The following HIVEP3 variants were observed in gnomAD, a reference collection of about 807,000 sequenced individuals.
HIVEP3 encodes the protein transcription factor HIVEP3.
In HIVEP3, 49 loss-of-function variants were observed where a neutral mutation model predicts 152.8. That is an observed-to-expected ratio of 0.32 (90% CI 0.26 to 0.41). The LOEUF is 0.41. HIVEP3 is among the 10% of genes least tolerant of loss of function. The pLI is 1.00. For synonymous variants in HIVEP3, 1,269 were observed against 1,289.0 expected, an observed-to-expected ratio of 0.98 and a Z score of 0.33; for missense variants, 2,790 against 3,103.3, an observed-to-expected ratio of 0.90 and a Z score of 2.40.
intron 1 of HIVEP3, among the ~76,000 whole-genome samples, chr1:41,893,669 T>C (rs1644482510): frequency 6.6e-6 from 1 of 151,718 alleles, no homozygotes; most frequent in Admixed American, 6.6e-5. Context: ...ATAACTTACT[T>C]CACCTGTCAG....
chr1:41,555,062 T>TG (rs1433780359), intron 5 of HIVEP3, among the ~76,000 whole-genome samples: 2 of 152,208 alleles, frequency 1.3e-5, no homozygotes, highest in African/African-American at 4.8e-5. Flanking sequence ...CTGCAGAAGT[T>TG]TCTGCTGCCT....
intron 1 of HIVEP3, among the ~76,000 whole-genome samples, chr1:41,795,342 G>A (rs1468260848): frequency 6.6e-5 from 10 of 152,278 alleles, no homozygotes; most frequent in South Asian, 2.1e-4. Context: ...CAGGGGCTGT[G>A]GGTTTTTGGA....
At chr1:41,983,855 G>A (rs1645307695) in intron 1 of HIVEP3, among the ~76,000 whole-genome samples, 2 of 152,170 alleles carry the variant, frequency 1.3e-5, no homozygotes, top group Admixed American at 6.5e-5. Flanking sequence ...GCTACCCACC[G>A]TCCATAGGCA....
chr1:42,015,347 G>T (rs1645515893), intron 1 of HIVEP3, among the ~76,000 whole-genome samples: 1 of 152,126 alleles, frequency 6.6e-6, no homozygotes, highest in Non-Finnish European at 1.5e-5. Flanking sequence ...CTACATTCCA[G>T]GGCCTTACTC....
Position 41,513,666 on chromosome 1 carries a change from T to C in HIVEP3, c.5555A>G (p.Asp1852Gly), listed in dbSNP as rs142044708. Residue 1852 changes from aspartate (D) to glycine (G), a missense_variant, in exon 8 of 9, where the codon GAC (aspartate) becomes GGC (glycine). Around this residue, in one of 9 missense-constraint regions of HIVEP3, gnomAD observed 816 missense variants for 806.5 expected, o/e 1.01. Coordinates refer to ENST00000372583, the MANE Select transcript of HIVEP3 (RefSeq NM_024503.5). Reference protein sequence around the residue: ...VEEHQFSDLEDSDSDSDLDED... With the variant: ...VEEHQFSDLEGSDSDSDLDED... ...GTCCAGGTCTGAGTCTGAGTCCGAG[T>C]CCTCCAGGTCCGAAAACTGGTGCTC... 276 of 1,613,040 alleles carry C rather than the reference T, an allele frequency of 1.7e-4. 1 individual carries two copies. In the African/African-American group the frequency reaches 3.4e-3, roughly 20 times the overall value.
chr1:41,636,193 C>T (rs1645270772), intron 2 of HIVEP3, among the ~76,000 whole-genome samples: 1 of 152,078 alleles, frequency 6.6e-6, no homozygotes, highest in Non-Finnish European at 1.5e-5. Flanking sequence ...GTAAAACAAA[C>T]CACATGGCAA....
At chr1:41,562,597 T>TCCTC (rs763245562) in intron 5 of HIVEP3, among the ~76,000 whole-genome samples, 1 of 34,262 alleles carries the variant, frequency 2.9e-5, no homozygotes, top group East Asian at 3.4e-4. Context: ...CTTCCTTCCT[T>TCCTC]TCTTTCTCTC....
In HIVEP3 at chr1:41,727,119, G is replaced by A. The variant is rs529185141; in HGVS notation, c.-800-26124C>T. On this transcript the variant is annotated intron_variant, in intron 1 of 8. Transcript: ENST00000372583. ...GAAGACTGAACTCACAGGCAGGTCC[G>A]GAGATGCAGAGCTGGTGTTCACTGG... is the stretch of plus-strand genomic sequence containing the variant. 8.8e-4 allele frequency among the ~76,000 whole-genome samples: 134 copies of A among 152,338 alleles called. 1 individual carries two copies. The highest frequency in any genetic ancestry group is 3.2e-3 in the African/African-American group (131 of 41,576).
chr1:41,649,394 C>A (rs952596480), intron 2 of HIVEP3, among the ~76,000 whole-genome samples: 1 of 152,222 alleles, frequency 6.6e-6, no homozygotes, highest in African/African-American at 2.4e-5. Context: ...CCCCTCATTC[C>A]CCACCATGAT....
intron 1 of HIVEP3, among the ~76,000 whole-genome samples, chr1:41,820,759 A>C (rs1414260292): frequency 1.3e-5 from 2 of 152,224 alleles, no homozygotes; most frequent in Admixed American, 6.5e-5. Context: ...TAATCCATTA[A>C]AATGTTAGCT....
intron 1 of HIVEP3, among the ~76,000 whole-genome samples, chr1:41,819,017 T>C (rs910081777): frequency 5.3e-5 from 8 of 152,218 alleles, no homozygotes; most frequent in Admixed American, 3.3e-4. Flanking sequence ...CGGAAGCTAT[T>C]ATCACCTCCA....
intron 1 of HIVEP3, among the ~76,000 whole-genome samples, chr1:42,034,609 T>C (rs1290194621): frequency 6.6e-6 from 1 of 151,976 alleles, no homozygotes; most frequent in Non-Finnish European, 1.5e-5. Context: ...TAGCAAGAGG[T>C]CTTCAGACTA....
At chr1:41,636,510 A>C (rs947005645) in intron 2 of HIVEP3, among the ~76,000 whole-genome samples, 2 of 152,230 alleles carry the variant, frequency 1.3e-5, no homozygotes, top group Admixed American at 1.3e-4. Flanking sequence ...AACCCCAGTT[A>C]ATCAACAGTT....
chr1:41,601,214 G>A (rs1266486894), intron 3 of HIVEP3, among the ~76,000 whole-genome samples: 1 of 152,114 alleles, frequency 6.6e-6, no homozygotes, highest in Non-Finnish European at 1.5e-5. Context: ...TTGTGTCAGA[G>A]GATTGATTTG....
At chr1:41,745,358 C>A (rs1347094986) in intron 1 of HIVEP3, among the ~76,000 whole-genome samples, 1 of 152,188 alleles carries the variant, frequency 6.6e-6, no homozygotes, top group Non-Finnish European at 1.5e-5. Flanking sequence ...TCCCCATAAG[C>A]CAAAAGGGCT....
In HIVEP3 at chr1:41,983,343, T is replaced by C. The variant is rs1054444704; in HGVS notation, n.119+52464A>G. On this transcript the variant is annotated intron_variant and non_coding_transcript_variant, in intron 1 of 3. Transcript: ENST00000489103. ...ATCAAGAAGATCTAGACATCAGTAA[T>C]GCACAAAAATCAAATTTAACAAGCG... is the stretch of plus-strand genomic sequence containing the variant. Among the ~76,000 whole-genome samples, 3 of 152,208 alleles carry C rather than the reference T, an allele frequency of 2.0e-5. No individual in the cohort carries two copies. In the South Asian group the frequency reaches 6.2e-4, roughly 32 times the overall value.
At chr1:41,980,435 T>G (rs1038069790) in intron 1 of HIVEP3, among the ~76,000 whole-genome samples, 1 of 152,012 alleles carries the variant, frequency 6.6e-6, no homozygotes, top group Non-Finnish European at 1.5e-5. Context: ...TTCTACTAAG[T>G]GGAAAAAAAG....
intron 3 of HIVEP3, among the ~76,000 whole-genome samples, chr1:41,612,605 C>A (rs1488944468): frequency 1.3e-5 from 2 of 152,230 alleles, no homozygotes; most frequent in Non-Finnish European, 2.9e-5. Context: ...CTCTGATTCT[C>A]CGTCCCATGG....
At chr1:41,788,345 C>T (rs1246281426) in intron 1 of HIVEP3, among the ~76,000 whole-genome samples, 1 of 152,240 alleles carries the variant, frequency 6.6e-6, no homozygotes, top group Non-Finnish European at 1.5e-5. Flanking sequence ...CTCAGAATCA[C>T]TAGGAGCCAG....
Sources: allele counts gnomAD v4.1 joint callset (sites outside exome capture counted in the v4.1 genomes callset), GRCh38; gene constraint gnomAD v4.1.1; regional missense constraint gnomAD v4.1.1; transcripts MANE v1.5; gene names NCBI Gene and HGNC (gene_info 2026-07-23, HGNC 2026-07-21).